PALM2AKAP2: variants seen among roughly 807,000 people sequenced by gnomAD.
The protein encoded by PALM2AKAP2 is PALM2 and AKAP2 fusion, also known as PALM2-AKAP2 fusion protein.
A neutral mutation model predicts 71.5 loss-of-function variants in PALM2AKAP2; 37 were observed. The observed-to-expected ratio is 0.52, with a 90% CI of 0.40 to 0.68. The LOEUF (loss-of-function observed/expected upper bound fraction) is 0.68. Ranked by LOEUF, PALM2AKAP2 falls within the 30% of genes least tolerant of loss-of-function variation. PALM2AKAP2 has a pLI of 0.00. For missense variants in PALM2AKAP2, 1,224 were observed against 1,191.8 expected, an observed-to-expected ratio of 1.03 and a Z score of -0.40; for synonymous variants, 468 against 478.8, an observed-to-expected ratio of 0.98 and a Z score of 0.29.
Position 109,876,183 on chromosome 9 carries a change from C to T in PALM2AKAP2, c.127-4368C>T, listed in dbSNP as rs192882814. Among the ~76,000 whole-genome samples, 1,016 of 152,144 alleles carry T rather than the reference C, an allele frequency of 6.7e-3. 11 individuals are homozygous for T. The highest frequency in any genetic ancestry group is 0.023 in the African/African-American group (962 of 41,514). On this transcript the variant is annotated intron_variant, in intron 2 of 9. Coordinates refer to the PALM2AKAP2 transcript ENST00000302798. ...TTTTTATTTCTATTGAGCTCTGCTT[C>T]CGCTAAATTCTGAAACACTGAGGCA...
At chr9:109,906,794 T>G (rs1444320723) in intron 3 of PALM2AKAP2, among the ~76,000 whole-genome samples, 2 of 152,204 alleles carry the variant, frequency 1.3e-5, no homozygotes, top group African/African-American at 2.4e-5. Context: ...TATCACTGAC[T>G]TAAAGCAAAC....
intron 1 of PALM2AKAP2, among the ~76,000 whole-genome samples, chr9:109,706,415 G>C (rs992199879): frequency 6.6e-6 from 1 of 152,134 alleles, no homozygotes; most frequent in African/African-American, 2.4e-5. Context: ...ACAAGTATTG[G>C]TAAGGATGTA....
chr9:109,764,994 T>A lies in PALM2AKAP2; in HGVS notation c.6-15494T>A, dbSNP rs79662060. The stretch of plus-strand genomic sequence containing the variant: ...TATAAATAATGAACAGCCATGTATC[T>A]GAACTGCCCCATAGATGATGCCAAA... On this transcript the variant is annotated intron_variant, in intron 1 of 6. Coordinates refer to the PALM2AKAP2 transcript ENST00000374531. Among the ~76,000 whole-genome samples the A allele has an allele frequency of 4.9e-3, 752 of 152,332 alleles. 7 individuals carry two copies. Among genetic ancestry groups the A allele is most frequent in the African/African-American group, 0.017 (713 of 41,580 alleles).
In PALM2AKAP2 at chr9:109,815,781, G is replaced by A. The variant is rs903197441; in HGVS notation, c.45+35248G>A. 5.3e-5 allele frequency among the ~76,000 whole-genome samples: 8 copies of A among 152,186 alleles called. 1 individual carries two copies. Among genetic ancestry groups the A allele is most frequent in the Admixed American group, 2.6e-4 (4 of 15,284 alleles). On this transcript the variant is annotated intron_variant, in intron 1 of 9. Coordinates refer to the PALM2AKAP2 transcript ENST00000302798. Reference sequence around the variant, plus strand: ...CTTTGTCTCCCTAAGTGGTGTGGCTGTGAAGGAAAGAAGAGAAGTAAGTCT... The same window carrying A: ...CTTTGTCTCCCTAAGTGGTGTGGCTATGAAGGAAAGAAGAGAAGTAAGTCT...
chr9:110,050,334 T>A (rs1303622945), intron 1 of PALM2AKAP2, among the ~76,000 whole-genome samples: 1 of 152,196 alleles, frequency 6.6e-6, no homozygotes, highest in East Asian at 1.9e-4. Context: ...TGCTTCCTTG[T>A]CTTTTGTTCT....
chr9:110,014,160 A>T (rs1247161052), intron 6 of PALM2AKAP2, among the ~76,000 whole-genome samples: 1 of 152,182 alleles, frequency 6.6e-6, no homozygotes, highest in Non-Finnish European at 1.5e-5. Context: ...AAATTTTGGA[A>T]TTTGGGTTAT....
In PALM2AKAP2 at chr9:110,001,967, C is replaced by A. The variant is rs1395405492; in HGVS notation, c.497-13987C>A. On this transcript the variant is annotated intron_variant, in intron 6 of 9. Coordinates refer to the PALM2AKAP2 transcript ENST00000302798. The stretch of plus-strand genomic sequence containing the variant: ...CAATCATGTCATCTGCAAACAGGGA[C>A]AATTTGACTTCCTCTTTTCCTAATT... 5.9e-5 allele frequency among the ~76,000 whole-genome samples: 9 copies of A among 152,182 alleles called. 1 individual carries two copies. Among genetic ancestry groups the A allele is most frequent in the Admixed American group, 5.9e-4 (9 of 15,268 alleles).
chr9:109,780,501 G>A, exon 1 of PALM2AKAP2: 1 of 1,613,610 alleles, frequency 6.2e-7, no homozygotes, highest in East Asian at 2.2e-5. Flanking sequence ...GGCAGAGGCG[G>A]AATTGCACAA....
chr9:110,005,042 C>T (rs1402601678), intron 6 of PALM2AKAP2, among the ~76,000 whole-genome samples: 1 of 152,182 alleles, frequency 6.6e-6, no homozygotes, highest in Non-Finnish European at 1.5e-5. Context: ...CAAAGTCATT[C>T]TCTGTCCAGC....
chr9:110,069,205 C>T lies in PALM2AKAP2; in HGVS notation c.156+20350C>T, dbSNP rs144762323. On this transcript the variant is annotated intron_variant, in intron 1 of 3. Transcript: ENST00000374525. ...AAACTGCAAAATAGGACCAGTAATA[C>T]CTATGATTAGCTGCTGCTGTTACGA... Among the ~76,000 whole-genome samples the T allele has an allele frequency of 1.2e-4, 19 of 152,288 alleles. No homozygotes were observed. The East Asian group carries it at 3.1e-3, about 25-fold the overall frequency.
At chr9:109,656,867 G>T (rs1363839242) in intron 1 of PALM2AKAP2, among the ~76,000 whole-genome samples, 1 of 152,140 alleles carries the variant, frequency 6.6e-6, no homozygotes, top group African/African-American at 2.4e-5. Context: ...TGATGAGGAG[G>T]ATTCTTCCTT....
At chr9:109,929,467 G>T (rs1376829240) in intron 5 of PALM2AKAP2, among the ~76,000 whole-genome samples, 1 of 152,112 alleles carries the variant, frequency 6.6e-6, no homozygotes, top group Non-Finnish European at 1.5e-5. Flanking sequence ...CAGGACTACT[G>T]ACCTCAAGGT....
intron 1 of PALM2AKAP2, among the ~76,000 whole-genome samples, chr9:109,774,025 A>C: frequency 6.6e-6 from 1 of 152,136 alleles, no homozygotes; most frequent in East Asian, 1.9e-4. Context: ...AGGATTTAGT[A>C]GGCAGGCCAC....
intron 1 of PALM2AKAP2, among the ~76,000 whole-genome samples, chr9:110,108,917 G>A (rs1001060922): frequency 4.6e-5 from 7 of 152,020 alleles, no homozygotes; most frequent in Non-Finnish European, 5.9e-5. Context: ...AAAATTTTAG[G>A]GTGGAGTTAT....
intron 1 of PALM2AKAP2, among the ~76,000 whole-genome samples, chr9:109,845,542 G>A (rs1378504862): frequency 2.0e-5 from 3 of 152,258 alleles, no homozygotes; most frequent in Admixed American, 6.5e-5. Context: ...CCCTTACTGC[G>A]TAGTCCTAGG....
chr9:109,731,277 C>T (rs527559092), intron 1 of PALM2AKAP2, among the ~76,000 whole-genome samples: 1 of 152,306 alleles, frequency 6.6e-6, no homozygotes, highest in East Asian at 1.9e-4. Context: ...CATGAATTAA[C>T]CAACTTATAC....
intron 7 of PALM2AKAP2, among the ~76,000 whole-genome samples, chr9:110,041,368 G>A (rs541049032): frequency 1.8e-4 from 27 of 152,116 alleles, no homozygotes; most frequent in African/African-American, 6.0e-4. Flanking sequence ...GTGGTACAAT[G>A]TTATGTCAAT....
intron 1 of PALM2AKAP2, among the ~76,000 whole-genome samples, chr9:110,060,176 G>A (rs1833933583): frequency 6.6e-6 from 1 of 152,080 alleles, no homozygotes; most frequent in East Asian, 1.9e-4. Context: ...GCAATGGTGC[G>A]ATTTCGGCTC....
intron 1 of PALM2AKAP2, among the ~76,000 whole-genome samples, chr9:109,815,198 G>A (rs10980064): frequency 0.61 from 92,537 of 152,004 alleles, 29,572 homozygotes; most frequent in African/African-American, 0.81. Context: ...AAATAAAGTT[G>A]ATAGCCATGT....
Sources: gnomAD v4.1 joint callset for allele counts (sites outside exome capture counted in the v4.1 genomes callset) on GRCh38, gnomAD v4.1.1 for gene constraint, MANE v1.5 for transcripts, NCBI Gene and HGNC (gene_info 2026-07-23, HGNC 2026-07-21) for gene names.